EXOC6: variants seen among roughly 807,000 people sequenced by gnomAD.
EXOC6 encodes the protein SEC15-like 1.
A neutral mutation model predicts 112.5 loss-of-function variants in EXOC6; 60 were observed. The ratio of observed to expected loss-of-function variants is 0.53; its 90% CI spans 0.43 to 0.66. The LOEUF is 0.66. Among genes scored for constraint, EXOC6 ranks in the 30% least tolerant of loss-of-function variants. The probability of loss-of-function intolerance (pLI) is 0.00; values close to 1 mark genes in which losing one functional copy is unlikely to be tolerated. For missense variants in EXOC6, 855 were observed against 957.1 expected (o/e 0.89, Z 1.41); for synonymous variants, 295 against 308.0 (o/e 0.96, Z 0.44).
At chr10:92,931,126 A>G (rs1016917173) in intron 9 of EXOC6, among the ~76,000 whole-genome samples, 6 of 136,740 alleles carry the variant, frequency 4.4e-5, no homozygotes, top group Non-Finnish European at 8.3e-5. Flanking sequence ...AAAAAAAAAA[A>G]AAAAAAAAAA....
At chr10:92,831,270 A>C, upstream of EXOC6, 1 of 1,259,092 alleles carries the variant, frequency 7.9e-7, no homozygotes, top group Non-Finnish European at 1.0e-6. Flanking sequence ...GGCCACCAGG[A>C]CAGAAGACCT....
At chr10:92,865,305 G>A (rs942087785) in intron 1 of EXOC6, among the ~76,000 whole-genome samples, 2 of 152,014 alleles carry the variant, frequency 1.3e-5, no homozygotes, top group African/African-American at 2.4e-5. Flanking sequence ...AGGCCAAGGC[G>A]GGTGAATCAC....
chr10:92,869,850 A>G (rs1055426504), intron 1 of EXOC6, among the ~76,000 whole-genome samples: 2 of 151,776 alleles, frequency 1.3e-5, no homozygotes, highest in East Asian at 1.9e-4. Context: ...CAATCCAATA[A>G]TTGCAATACA....
chr10:92,882,913 C>T (rs758938956), intron 1 of EXOC6, among the ~76,000 whole-genome samples: 1 of 152,154 alleles, frequency 6.6e-6, no homozygotes, highest in East Asian at 1.9e-4. Context: ...AACATGGTCA[C>T]TCAGGTAGGA....
intron 1 of EXOC6, among the ~76,000 whole-genome samples, chr10:92,857,166 C>CTT (rs11407715): frequency 3.5e-4 from 51 of 144,736 alleles, no homozygotes; most frequent in South Asian, 8.7e-4. Flanking sequence ...TTCTTTCTTC[C>CTT]TTTTTTTTTT....
intron 20 of EXOC6, among the ~76,000 whole-genome samples, chr10:93,020,496 C>A (rs1844735212): frequency 6.6e-6 from 1 of 152,058 alleles, no homozygotes; most frequent in Non-Finnish European, 1.5e-5. Context: ...AGACATGGAC[C>A]ATTGTTTTTC....
intron 20 of EXOC6, among the ~76,000 whole-genome samples, chr10:93,018,119 A>G (rs903671375): frequency 3.3e-5 from 5 of 152,092 alleles, no homozygotes; most frequent in Admixed American, 3.3e-4. Flanking sequence ...ACCCCCCTAT[A>G]TGTAAAGATT....
At chr10:92,946,120 C>G (rs914664618) in intron 13 of EXOC6, among the ~76,000 whole-genome samples, 1 of 151,018 alleles carries the variant, frequency 6.6e-6, no homozygotes, top group African/African-American at 2.4e-5. Context: ...GGAACCCCGT[C>G]TCTACTAAAA....
chr10:92,877,933 C>T (rs1337648335), intron 1 of EXOC6, among the ~76,000 whole-genome samples: 2 of 152,276 alleles, frequency 1.3e-5, no homozygotes, highest in African/African-American at 4.8e-5. Context: ...GTTATCTGGT[C>T]ATTGGGCAAA....
At chr10:93,023,603 A>G (rs12360261) in intron 20 of EXOC6, among the ~76,000 whole-genome samples, 7,314 of 152,286 alleles carry the variant, frequency 0.048, 220 homozygotes, top group Non-Finnish European at 0.074. Context: ...TTTTTTTTAC[A>G]AGTAAAGCCT....
chr10:92,941,825 G>A (rs1045392652), intron 13 of EXOC6, among the ~76,000 whole-genome samples: 1 of 152,132 alleles, frequency 6.6e-6, no homozygotes, highest in African/African-American at 2.4e-5. Context: ...CATGAGAAGA[G>A]AAATATGCCC....
At chr10:92,896,612 G>C (rs1050152472) in intron 4 of EXOC6, among the ~76,000 whole-genome samples, 1 of 151,842 alleles carries the variant, frequency 6.6e-6, no homozygotes, top group African/African-American at 2.4e-5. Context: ...ATTTGAGACA[G>C]AGTCTCACTC....
chr10:92,895,104 G>A, intron 4 of EXOC6, 84 bp downstream of exon 4: 1 of 807,320 alleles, frequency 1.2e-6, no homozygotes, highest in Non-Finnish European at 2.1e-6. Flanking sequence ...TTTGGTATGG[G>A]AATTACAGAT....
chr10:92,950,415 A>G (rs902346977), intron 14 of EXOC6, among the ~76,000 whole-genome samples: 2 of 152,210 alleles, frequency 1.3e-5, no homozygotes, highest in Non-Finnish European at 2.9e-5. Flanking sequence ...GAACATATTT[A>G]TATTCTGCCT....
chr10:92,885,665 C>T (rs1849176975), intron 1 of EXOC6, among the ~76,000 whole-genome samples: 1 of 152,228 alleles, frequency 6.6e-6, no homozygotes, highest in Non-Finnish European at 1.5e-5. Flanking sequence ...GCGTGAGCCA[C>T]TGTGCCCAGC....
chr10:92,896,670 C>T (rs1378883461), intron 4 of EXOC6, among the ~76,000 whole-genome samples: 2 of 151,922 alleles, frequency 1.3e-5, no homozygotes, highest in African/African-American at 2.4e-5. Context: ...TCACTGCAAC[C>T]TCAGCCTCCC....
In EXOC6 at chr10:92,834,766, T is replaced by C. The variant is rs372089699; in HGVS notation, c.28T>C (p.Tyr10His). The C allele has an allele frequency of 1.7e-5, 27 of 1,610,752 alleles. No homozygotes were observed. The South Asian group carries it at 2.4e-4, about 14-fold the overall frequency. Residue 10 changes from tyrosine (Y) to histidine (H), a missense_variant, in exon 1 of 22, where the codon TAT (tyrosine) becomes CAT (histidine). Transcript: ENST00000371552. ...GTTGGAAGAAGAAACAGATCAAACC[T>C]ATGAGAATGTCCTGGCTGAGATTCA...
Position 92,911,320 on chromosome 10 carries a change from T to C in EXOC6, c.663+1689T>C, listed in dbSNP as rs907727141. On this transcript the variant is annotated intron_variant, in intron 6 of 21. Coordinates refer to ENST00000260762, the MANE Select transcript of EXOC6 (RefSeq NM_019053.6). ...CCCATTATAGAGCTCCTCACCATTG[T>C]ATTCTTCCCTTCAATATTACAGTGT... 3.3e-5 allele frequency among the ~76,000 whole-genome samples: 5 copies of C among 152,326 alleles called. No individual in the cohort carries two copies. The East Asian group carries it at 9.7e-4, about 29-fold the overall frequency.
intron 19 of EXOC6, among the ~76,000 whole-genome samples, chr10:93,001,042 T>G (rs1035559844): frequency 6.6e-6 from 1 of 152,234 alleles, no homozygotes; most frequent in Non-Finnish European, 1.5e-5. Context: ...TTCTCAATTT[T>G]AATGCAGTAT....
Sources: gnomAD v4.1 joint callset for allele counts (sites outside exome capture counted in the v4.1 genomes callset) on GRCh38, gnomAD v4.1.1 for gene constraint, MANE v1.5 for transcripts, NCBI Gene and HGNC (gene_info 2026-07-23, HGNC 2026-07-21) for gene names.